ARHGEF1: variants seen among roughly 807,000 people sequenced by gnomAD.
The protein encoded by ARHGEF1 is Rho guanine nucleotide exchange factor 1.
In ARHGEF1, 40 loss-of-function variants were observed where a neutral mutation model predicts 119.7. That is an observed-to-expected ratio of 0.33 (90% CI 0.26 to 0.44). The LOEUF (loss-of-function observed/expected upper bound fraction) is 0.44, where lower values mean the gene tolerates loss of function less well. Among genes scored for constraint, ARHGEF1 ranks in the 20% least tolerant of loss-of-function variants. The probability of loss-of-function intolerance (pLI) is 1.00; values close to 1 mark genes in which losing one functional copy is unlikely to be tolerated. For synonymous variants in ARHGEF1, 494 were observed against 521.0 expected (o/e 0.95, Z 0.71); for missense variants, 976 against 1,268.3 (o/e 0.77, Z 3.50).
rs1183671177 is a variant in ARHGEF1, at chr19:41,905,885, G to T, written c.2405-54G>T. 8.6e-5 allele frequency: 138 copies of T among 1,613,380 alleles called. No individual in the cohort carries two copies. The highest frequency in any genetic ancestry group is 8.1e-5 in the Non-Finnish European group (96 of 1,179,470). On this transcript the variant is annotated intron_variant, in intron 25 of 28. Coordinates refer to ENST00000354532, the MANE Select transcript of ARHGEF1 (RefSeq NM_004706.4). The surrounding 1 kb of genome is among the most constrained non-coding windows in gnomAD (Gnocchi z 6.4). Reference sequence around the variant, plus strand: ...GGTTGGGGCTGCCGGGTGAAGAGAGGCATCCACAGGAGGCCCGGCAGGATC... The same window carrying T: ...GGTTGGGGCTGCCGGGTGAAGAGAGTCATCCACAGGAGGCCCGGCAGGATC...
At chr19:41,914,546 T>TTCCCTCCCCTTCCACCGTCTCTGTCTC (rs2074775540) in intron 18 of ARHGEF1, among the ~76,000 whole-genome samples, 1 of 118,384 alleles carries the variant, frequency 8.4e-6, no homozygotes, top group Non-Finnish European at 1.7e-5. Flanking sequence ...CTATCCGTCT[T>TTCCCTCCCCTTCCACCGTCTCTGTCTC]TCCCTCCCCT....
chr19:41,927,566 C>T (rs1416757495), intron 1 of ARHGEF1, among the ~76,000 whole-genome samples: 1 of 152,114 alleles, frequency 6.6e-6, no homozygotes, highest in Non-Finnish European at 1.5e-5. Flanking sequence ...CTAGATCTTC[C>T]GCCCCAAGTG....
chr19:41,917,427 G>T lies in ARHGEF1; in HGVS notation c.1866-5665G>T, dbSNP rs1033950096. ...AGCTGCGCCGGCCGCCTCGGGAGCC[G>T]CCTCGGGCCTCGCACCCCCACCACC... is the stretch of plus-strand genomic sequence containing the variant. On this transcript the variant is annotated intron_variant, in intron 18 of 20. Coordinates refer to the ARHGEF1 transcript ENST00000599589. This position sits in a 1 kb window ranked among gnomAD's most constrained non-coding sequence, Gnocchi z 4.8. Among the ~76,000 whole-genome samples, 1 of 151,768 alleles carries T rather than the reference G, an allele frequency of 6.6e-6. No homozygotes were observed. The highest frequency in any genetic ancestry group is 2.1e-4 in the South Asian group (1 of 4,820).
At chr19:41,891,884 A>T in intron 4 of ARHGEF1, 141 bp from the exon 5 acceptor site, 1 of 655,120 alleles carries the variant, frequency 1.5e-6, no homozygotes, top group Non-Finnish European at 2.6e-6. Context: ...GGTGGAGGTC[A>T]GGGAGTGCTT....
rs2074681982 is a variant in ARHGEF1, at chr19:41,905,668, C to A, written c.2337-92C>A. ...GACCTCTGTCTCTGTCTCCGGACCT[C>A]CCTGCCTCCCCACCTCCAGCTCTCT... On this transcript the variant is annotated intron_variant, in intron 24 of 28. Transcript: ENST00000354532. The surrounding 1 kb of genome is among the most constrained non-coding windows in gnomAD (Gnocchi z 6.4). 1 of 1,379,416 alleles carries A rather than the reference C, an allele frequency of 7.2e-7. No homozygotes were observed. The allele number at this position is 1,379,416 out of a possible 1,614,324, so 85.4% of individuals were successfully genotyped here.
Position 41,906,633 on chromosome 19 carries a change from G to A in ARHGEF1, c.2655+13G>A, listed in dbSNP as rs564505867. 11 of 1,599,464 alleles carry A rather than the reference G, an allele frequency of 6.9e-6. No individual in the cohort carries two copies. Among genetic ancestry groups the A allele is most frequent in the South Asian group, 4.5e-5 (4 of 89,448 alleles). ...GAAGCAGCTGGAGGTGGGGCGGGAC[G>A]GGCCAGGGGTGCCCTGAGTGGGCTG... On this transcript the variant is annotated intron_variant, in intron 27 of 28. Coordinates refer to ENST00000354532, the MANE Select transcript of ARHGEF1 (RefSeq NM_004706.4). This position sits in a 1 kb window ranked among gnomAD's most constrained non-coding sequence, Gnocchi z 4.5.
chr19:41,907,298 A>T lies in ARHGEF1; in HGVS notation c.*211A>T. 1 of 1,530,732 alleles carries T rather than the reference A, an allele frequency of 6.5e-7. No individual in the cohort carries two copies. Among genetic ancestry groups the T allele is most frequent in the Non-Finnish European group, 8.7e-7 (1 of 1,144,566 alleles). 94.8% of individuals were successfully genotyped at this position (1,530,732 alleles called of 1,614,324 possible). ...CTCCCTCCTGCCCTCTGCTTGGGGG[A>T]CTCAGGGCTCCATTCTGGAGGGCAC... On this transcript the variant is annotated 3_prime_UTR_variant, in exon 29 of 29. Coordinates refer to ENST00000354532, the MANE Select transcript of ARHGEF1 (RefSeq NM_004706.4).
rs782655474 is a variant in ARHGEF1, at chr19:41,892,812, G to A, written c.577G>A (p.Val193Met). Residue 193 changes from valine to methionine, a missense_variant, in exon 7 of 29, where the codon GTG becomes ATG. By Grantham distance (21) the Val-to-Met change is conservative. Around this residue, in one of 3 missense-constraint regions of ARHGEF1, gnomAD observed 519 missense variants for 580.9 expected, o/e 0.89. Transcript: ENST00000354532. This position sits in a 1 kb window ranked among gnomAD's most constrained non-coding sequence, Gnocchi z 6.3. ...CAGCTACGAGGCCCGGGAGCGGCACGTGGCGGAGCGGCTGCTCATGCACCT... is the reference window on the plus strand; with the variant it reads ...CAGCTACGAGGCCCGGGAGCGGCACATGGCGGAGCGGCTGCTCATGCACCT... ...RASYEARERH[V>M]AERLLMHLEE... 7.6e-6 allele frequency: 12 copies of A among 1,583,700 alleles called. No homozygotes were observed. The highest frequency in any genetic ancestry group is 4.5e-5 in the East Asian group (2 of 44,306).
At chr19:41,896,624 T>A (rs1555847706) in intron 13 of ARHGEF1, 142 bp downstream of exon 13, 2 of 727,048 alleles carry the variant, frequency 2.8e-6, no homozygotes, top group African/African-American at 3.5e-5. Flanking sequence ...GGTCTGGCCA[T>A]TCCTCTCCCT....
At position 41,888,293 on chromosome 19, in the gene ARHGEF1, G is replaced by A. The variant is rs781979787; in HGVS notation, c.111+15G>A. 5.0e-6 allele frequency: 8 copies of A among 1,612,616 alleles called. No individual in the cohort carries two copies. The South Asian group carries it at 8.8e-5, about 18-fold the overall frequency. Reference sequence around the variant, plus strand: ...AGCTGGAGACAGTGAGTGGGAGATAGGGTGGAAAAGCTCTGTCCCAGGCTC... The same window carrying A: ...AGCTGGAGACAGTGAGTGGGAGATAAGGTGGAAAAGCTCTGTCCCAGGCTC... On this transcript the variant is annotated intron_variant, in intron 3 of 28. Coordinates refer to ENST00000354532, the MANE Select transcript of ARHGEF1 (RefSeq NM_004706.4). The surrounding 1 kb of genome is among the most constrained non-coding windows in gnomAD (Gnocchi z 5.1).
At chr19:41,894,143 T>TGTGG in intron 8 of ARHGEF1, 64 bp from the exon 9 acceptor site, 1 of 881,018 alleles carries the variant, frequency 1.1e-6, no homozygotes, top group Non-Finnish European at 1.7e-6. Flanking sequence ...TGAGTGTGTG[T>TGTGG]GTGTGTGTGT....
Position 41,902,665 on chromosome 19 carries a change from TG to T in ARHGEF1, c.1623+11del. On this transcript the variant is annotated splice_region_variant and intron_variant, in intron 17 of 28. Transcript: ENST00000354532. The surrounding 1 kb of genome is among the most constrained non-coding windows in gnomAD (Gnocchi z 6.5). ...GTTCTGTGCCTTCGTGCAGGTGAGG[TG>T]GGGTCTGGACTCCAGCTTCCCAGGG... 1 of 1,614,142 alleles carries T rather than the reference TG, an allele frequency of 6.2e-7. No homozygotes were observed. The highest frequency in any genetic ancestry group is 8.5e-7 in the Non-Finnish European group (1 of 1,180,000).
At position 41,888,097 on chromosome 19, in the gene ARHGEF1, C is replaced by CCGAGGGG; in HGVS notation, c.18_24dup (p.Ala9ArgfsTer21). 1 of 1,613,750 alleles carries CCGAGGGG rather than the reference C, an allele frequency of 6.2e-7. No individual in the cohort carries two copies. The highest frequency in any genetic ancestry group is 8.5e-7 in the Non-Finnish European group (1 of 1,179,970). On this transcript the variant is annotated frameshift_variant, in exon 2 of 29. Transcript: ENST00000354532. LOFTEE classifies it high-confidence loss of function. The surrounding 1 kb of genome is among the most constrained non-coding windows in gnomAD (Gnocchi z 5.1). ...AGCCCAGGGAGATGGAAGACTTCGC[C>CCGAGGGG]CGAGGGGCGGTGAGTGGACAGAGCA...
chr19:41,891,589 G>A (rs1392850581), intron 4 of ARHGEF1, among the ~76,000 whole-genome samples: 3 of 152,172 alleles, frequency 2.0e-5, no homozygotes, highest in African/African-American at 4.8e-5. Context: ...TAGCCTAGTT[G>A]TGCGACTAAG....
rs994599793 is a variant in ARHGEF1 at position 41,902,188 on chromosome 19, C to T, written c.1415-86C>T. The T allele has an allele frequency of 3.0e-5, 47 of 1,569,752 alleles. No individual in the cohort carries two copies. Among genetic ancestry groups the T allele is most frequent in the Non-Finnish European group, 4.1e-5 (47 of 1,145,780 alleles). On this transcript the variant is annotated intron_variant, in intron 15 of 28. Coordinates refer to ENST00000354532, the MANE Select transcript of ARHGEF1 (RefSeq NM_004706.4). The surrounding 1 kb of genome is among the most constrained non-coding windows in gnomAD (Gnocchi z 6.5). ...CGAGGATCAGACACAGACACACCTG[C>T]AGCCCTACCCCCACCACACCGCAGC... is the stretch of plus-strand genomic sequence containing the variant.
downstream of ARHGEF1, among the ~76,000 whole-genome samples, chr19:41,910,708 T>C (rs528012730): frequency 6.6e-6 from 1 of 152,186 alleles, no homozygotes; most frequent in East Asian, 1.9e-4. This position sits in a 1 kb window ranked among gnomAD's most constrained non-coding sequence, Gnocchi z 4.4. Flanking sequence ...CCAAGAGCAG[T>C]CCAGAACGAT....
chr19:41,905,987 GC>G lies in ARHGEF1; in HGVS notation c.2457del (p.Glu820ArgfsTer15). 6.2e-7 allele frequency: 1 copy of G among 1,614,038 alleles called. No homozygotes were observed. On this transcript the variant is annotated frameshift_variant, in exon 26 of 29. Coordinates refer to ENST00000354532, the MANE Select transcript of ARHGEF1 (RefSeq NM_004706.4). LOFTEE classifies it high-confidence loss of function. This position sits in a 1 kb window ranked among gnomAD's most constrained non-coding sequence, Gnocchi z 6.4. ...GACCTCCTGCCCTTCTGCAGACCAG[GC>G]CCCGAGGGCCAGCTCGCTGCCACGG... ...LSDLLPFCRP[G>X]PEGQLAATAL...
In ARHGEF1 at chr19:41,896,431, T is replaced by A. The variant is rs138912380; in HGVS notation, c.1070T>A (p.Leu357Gln). 1 of 1,478,486 alleles carries A rather than the reference T, an allele frequency of 6.8e-7. No homozygotes were observed. The highest frequency in any genetic ancestry group is 9.0e-7 in the Non-Finnish European group (1 of 1,115,756). The allele number at this position is 1,478,486 out of a possible 1,614,324, so 91.6% of individuals were successfully genotyped here. Residue 357 changes from leucine (L) to glutamine (Q), a missense_variant, in exon 13 of 29, where the codon CTG becomes CAG. By Grantham distance (113) the Leu-to-Gln change is moderately radical. Transcript: ENST00000354532. Reference sequence around the variant, plus strand: ...TCATCCCCGCAGGGCCCAATGAGCCTGGAGTCCTTGGCGCCCCCAGAGAGT... The same window carrying A: ...TCATCCCCGCAGGGCCCAATGAGCCAGGAGTCCTTGGCGCCCCCAGAGAGT... ...GDSSPQGPMS[L>Q]ESLAPPESTD...
chr19:41,907,138 G>T lies in ARHGEF1; in HGVS notation c.*51G>T. On this transcript the variant is annotated 3_prime_UTR_variant, in exon 29 of 29. Coordinates refer to ENST00000354532, the MANE Select transcript of ARHGEF1 (RefSeq NM_004706.4). ...CAAGAAGGAGAGGAATGGGGGAGAG[G>T]ACGTGAGGGACCACCCCCACCCACA... The T allele has an allele frequency of 6.5e-7, 1 of 1,531,118 alleles. No homozygotes were observed. Among genetic ancestry groups the T allele is most frequent in the Non-Finnish European group, 8.7e-7 (1 of 1,144,728 alleles). 94.8% of individuals were successfully genotyped at this position (1,531,118 alleles called of 1,614,324 possible). A position where few individuals can be genotyped will look rare whatever the true frequency, so the allele number is the denominator to read the frequency against.
Sources: gnomAD v4.1 joint callset for allele counts (sites outside exome capture counted in the v4.1 genomes callset) on GRCh38, gnomAD v4.1.1 for gene constraint, gnomAD v4.1.1 regional missense constraint, Gnocchi (gnomAD v3.1) non-coding constraint, MANE v1.5 for transcripts, NCBI Gene and HGNC (gene_info 2026-07-23, HGNC 2026-07-21) for gene names.